HADHB: variants seen among roughly 807,000 people sequenced by gnomAD.
The protein encoded by HADHB is trifunctional enzyme subunit beta, mitochondrial.
A neutral mutation model predicts 61.9 loss-of-function variants in HADHB; 50 were observed. The ratio of observed to expected loss-of-function variants is 0.81; its 90% CI spans 0.64 to 1.02. HADHB has a LOEUF of 1.02. Ranked by LOEUF, HADHB falls within the 50% of genes least tolerant of loss-of-function variation. HADHB has a pLI of 0.00. For synonymous variants in HADHB, 191 were observed against 201.6 expected (o/e 0.95, Z 0.45); for missense variants, 504 against 586.5 (o/e 0.86, Z 1.45).
chr2:26,268,317 G>A (rs1273749635), intron 4 of HADHB, among the ~76,000 whole-genome samples: 1 of 152,114 alleles, frequency 6.6e-6, no homozygotes, highest in Non-Finnish European at 1.5e-5. Flanking sequence ...TGATGATTTC[G>A]ACATACGTCC....
intron 1 of HADHB, among the ~76,000 whole-genome samples, chr2:26,245,831 C>A (rs1347675462): frequency 1.3e-5 from 2 of 152,088 alleles, no homozygotes; most frequent in African/African-American, 4.8e-5. Context: ...TCCTCACATT[C>A]CCCAAATTAT....
At chr2:26,257,969 A>T (rs1235674591) in intron 3 of HADHB, among the ~76,000 whole-genome samples, 1 of 152,018 alleles carries the variant, frequency 6.6e-6, no homozygotes, top group Non-Finnish European at 1.5e-5. Flanking sequence ...CAGTGAGCCG[A>T]GATCGTGCCA....
chr2:26,285,746 T>TTTTTTTTTTTTTTTTTTTTTTTTTTTTG, intron 15 of HADHB, among the ~76,000 whole-genome samples, 175 bp downstream of exon 15: 1 of 115,904 alleles, frequency 8.6e-6, no homozygotes, highest in Non-Finnish European at 1.9e-5. Context: ...TGGGTTTTTT[T>TTTTTTTTTTTTTTTTTTTTTTTTTTTTG]TTTTTTTTTT....
chr2:26,282,905 A>G lies in HADHB; in HGVS notation c.994A>G (p.Lys332Glu), dbSNP rs777680722. 2 of 1,612,130 alleles carry G rather than the reference A, an allele frequency of 1.2e-6. No individual in the cohort carries two copies. The highest frequency in any genetic ancestry group is 8.5e-7 in the Non-Finnish European group (1 of 1,178,200). Residue 332 changes from lysine (K) to glutamate (E), a missense_variant, in exon 11 of 16, where the codon AAG (lysine) becomes GAG (glutamate). By Grantham distance (56) the Lys-to-Glu change is moderately conservative (BLOSUM62 1). Transcript: ENST00000317799. ...GGAAAAGGCTCTGGCCATGGGTTAT[A>G]AGCCGAAGGCATATTTGAGGTAAAG... The part of the protein sequence containing the change: ...AEEKALAMGY[K>E]PKAYLRDFMY...
chr2:26,261,783 A>G (rs1472288761), intron 3 of HADHB, among the ~76,000 whole-genome samples: 1 of 152,186 alleles, frequency 6.6e-6, no homozygotes, highest in Admixed American at 6.6e-5. Flanking sequence ...TCAAAAAAAA[A>G]AAATTAAGTC....
chr2:26,257,863 CA>C (rs1671694947), intron 3 of HADHB, among the ~76,000 whole-genome samples: 1 of 151,758 alleles, frequency 6.6e-6, no homozygotes, highest in Non-Finnish European at 1.5e-5. Context: ...ACTAAAAATA[CA>C]AAAAATTAGC....
At chr2:26,266,904 A>G (rs1672110052) in intron 4 of HADHB, among the ~76,000 whole-genome samples, 2 of 149,748 alleles carry the variant, frequency 1.3e-5, no homozygotes, top group Admixed American at 6.7e-5. Flanking sequence ...AGGATTGTAA[A>G]TGATAAATAA....
chr2:26,251,009 A>G (rs1042253984), intron 1 of HADHB, among the ~76,000 whole-genome samples: 1 of 144,950 alleles, frequency 6.9e-6, no homozygotes, highest in Non-Finnish European at 1.5e-5. Context: ...CCATTTTCCC[A>G]GTGAATTCAT....
At position 26,253,865 on chromosome 2, in the gene HADHB, T is replaced by A. The variant is rs36146471; in HGVS notation, c.-8-382T>A. Among the ~76,000 whole-genome samples, 852 of 107,170 alleles carry A rather than the reference T, an allele frequency of 7.9e-3. 8 individuals carry two copies. Among genetic ancestry groups the A allele is most frequent in the Middle Eastern group, 0.017 (3 of 178 alleles). The allele number at this position is 107,170 out of a possible 152,430, so 70.3% of individuals were successfully genotyped here. On this transcript the variant is annotated intron_variant, in intron 1 of 15. Transcript: ENST00000317799. ...CAAAACTCCATCTCAAAAAAATAAA[T>A]AAATAAATAAATAAATAAATAAATA...
rs1324368857 is a variant in HADHB, at chr2:26,277,081, T to A, written c.363T>A (p.Leu121=). 3 of 1,582,922 alleles carry A rather than the reference T, an allele frequency of 1.9e-6. No individual in the cohort carries two copies. The highest frequency in any genetic ancestry group is 1.7e-6 in the Non-Finnish European group (2 of 1,152,062). The change falls in exon 7 of 16, where the codon CTT becomes CTA. Residue 121 remains leucine (L), a synonymous_variant. Coordinates refer to ENST00000317799, the MANE Select transcript of HADHB (RefSeq NM_000183.3). ...CACTCTATTTCCTAAAGGCTGCCCT[T>A]GGAGCTGGCTTCTCTGACAAGACTC... ...KTSNVAREAA[L]GAGFSDKTPA...
At chr2:26,269,874 C>T in intron 4 of HADHB, 79 bp from the exon 5 acceptor site, 1 of 885,904 alleles carries the variant, frequency 1.1e-6, no homozygotes, top group Non-Finnish European at 1.9e-6. Flanking sequence ...TTGATGATCT[C>T]TGGGTATTTC....
chr2:26,271,794 T>A (rs955689518), intron 5 of HADHB, among the ~76,000 whole-genome samples: 20 of 151,986 alleles, frequency 1.3e-4, no homozygotes, highest in African/African-American at 4.1e-4. Context: ...AAAAAAATTT[T>A]AAAAATTAGC....
At position 26,278,435 on chromosome 2, in the gene HADHB, A is replaced by C. The variant is rs1257687909; in HGVS notation, c.443-179A>C. ...AACTTGTTTTTCTCTAACGTGTTGA[A>C]TGTGTTTTTAGTCATTTAAGAAAAT... On this transcript the variant is annotated intron_variant, in intron 7 of 15. Coordinates refer to ENST00000317799, the MANE Select transcript of HADHB (RefSeq NM_000183.3). Among the ~76,000 whole-genome samples, 3 of 152,216 alleles carry C rather than the reference A, an allele frequency of 2.0e-5. No homozygotes were observed. The South Asian group carries it at 6.2e-4, about 31-fold the overall frequency.
At chr2:26,274,564 G>C (rs1319629261) in intron 6 of HADHB, among the ~76,000 whole-genome samples, 1 of 152,182 alleles carries the variant, frequency 6.6e-6, no homozygotes, top group Non-Finnish European at 1.5e-5. Context: ...CAAAGGCCTG[G>C]CATGACTGAA....
chr2:26,282,082 T>C (rs1332987485), intron 10 of HADHB, among the ~76,000 whole-genome samples: 1 of 151,934 alleles, frequency 6.6e-6, no homozygotes, highest in African/African-American at 2.4e-5. Context: ...TTACAGAATA[T>C]ATAAGTAGAA....
intron 3 of HADHB, among the ~76,000 whole-genome samples, chr2:26,260,008 A>G (rs892364529): frequency 1.3e-4 from 20 of 151,662 alleles, no homozygotes; most frequent in African/African-American, 4.4e-4. Context: ...AAAACAAGCT[A>G]TTTGTTAGAA....
chr2:26,246,670 T>G (rs1437268945), intron 1 of HADHB, among the ~76,000 whole-genome samples: 2 of 152,144 alleles, frequency 1.3e-5, no homozygotes, highest in Non-Finnish European at 2.9e-5. Flanking sequence ...TGAAAAACTA[T>G]TTTTAGCTAG....
intron 15 of HADHB, 58 bp downstream of exon 15, chr2:26,285,629 A>C: frequency 7.0e-7 from 1 of 1,435,668 alleles, no homozygotes; most frequent in African/African-American, 1.4e-5. Flanking sequence ...GAATGACTAG[A>C]ATGTATGATT....
At chr2:26,245,873 A>C (rs969842965) in intron 1 of HADHB, among the ~76,000 whole-genome samples, 1 of 152,198 alleles carries the variant, frequency 6.6e-6, no homozygotes, top group Non-Finnish European at 1.5e-5. Flanking sequence ...GAAGTTTGGG[A>C]AGCTCAGAAT....
Sources: gnomAD v4.1 joint callset for allele counts (sites outside exome capture counted in the v4.1 genomes callset) on GRCh38, gnomAD v4.1.1 for gene constraint, MANE v1.5 for transcripts, NCBI Gene and HGNC (gene_info 2026-07-23, HGNC 2026-07-21) for gene names.